The following CDON variants were observed in gnomAD, a reference collection of about 807,000 sequenced individuals.
CDON encodes the protein cell adhesion molecule-related/down-regulated by oncogenes.
In CDON, 73 loss-of-function variants were observed where a neutral mutation model predicts 120.9. That is an observed-to-expected ratio of 0.60 (90% CI 0.50 to 0.73). The LOEUF (loss-of-function observed/expected upper bound fraction) is 0.73. Among genes scored for constraint, CDON ranks in the 30% least tolerant of loss-of-function variants. CDON has a pLI of 0.00. For missense variants in CDON, 1,470 were observed against 1,587.3 expected (o/e 0.93, Z 1.26); for synonymous variants, 566 against 573.5 (o/e 0.99, Z 0.19).
chr11:125,986,143 G>T (rs1946451878), intron 15 of CDON, among the ~76,000 whole-genome samples: 1 of 152,192 alleles, frequency 6.6e-6, no homozygotes, highest in Admixed American at 6.5e-5. Flanking sequence ...GCCATGAAAA[G>T]GATGAGTTCA....
At chr11:126,003,854 T>G in intron 10 of CDON, 48 bp downstream of exon 10, 1 of 1,503,124 alleles carries the variant, frequency 6.7e-7, no homozygotes, top group Middle Eastern at 1.8e-4. Context: ...ACTAATAAAT[T>G]GACATCAGGG....
chr11:126,051,733 T>C (rs1312439700), intron 1 of CDON, among the ~76,000 whole-genome samples: 5 of 151,338 alleles, frequency 3.3e-5, no homozygotes, highest in Non-Finnish European at 2.9e-5. Flanking sequence ...CTGCAACCTC[T>C]GCCTCCCGAG....
In CDON at chr11:125,997,408, G is replaced by T; in HGVS notation, c.2161C>A (p.Pro721Thr). 1 of 1,607,900 alleles carries T rather than the reference G, an allele frequency of 6.2e-7. No homozygotes were observed. Among genetic ancestry groups the T allele is most frequent in the Non-Finnish European group, 8.5e-7 (1 of 1,175,502 alleles). Reference protein sequence around the residue: ...LTDSSRHSGVPEAPDRPTIST... With the variant: ...LTDSSRHSGVTEAPDRPTIST... The stretch of plus-strand genomic sequence containing the variant: ...ATGGTAGGCCGATCTGGTGCCTCTG[G>T]AACTAAACACGGAAACGTTCATTTC... The change falls in exon 12 of 20, where the codon CCA becomes ACA. Residue 721 changes from proline to threonine, a missense_variant and splice_region_variant. Physicochemically the swap from Pro to Thr is conservative, Grantham distance 38. Transcript: ENST00000531738.
At chr11:125,968,541 A>T (rs1945871566) in intron 18 of CDON, among the ~76,000 whole-genome samples, 1 of 152,210 alleles carries the variant, frequency 6.6e-6, no homozygotes, top group East Asian at 1.9e-4. Flanking sequence ...CACACTTCTT[A>T]AAGAAATTCC....
rs577277283 is a variant in CDON at position 126,003,875 on chromosome 11, A to T, written c.2026+27T>A. ...AAATTGACATCAGGGCAGCCAGCTC[A>T]TTCCTCCAAAGGAAGCCCTCACTCA... On this transcript the variant is annotated intron_variant, in intron 10 of 19. Transcript: ENST00000531738. 4.4e-6 allele frequency: 7 copies of T among 1,607,878 alleles called. No homozygotes were observed. In the South Asian group the frequency reaches 7.7e-5, roughly 18 times the overall value.
intron 12 of CDON, among the ~76,000 whole-genome samples, chr11:125,996,482 T>G (rs1946787292): frequency 6.6e-6 from 1 of 151,558 alleles, no homozygotes; most frequent in South Asian, 2.1e-4. Context: ...GCAGATCACC[T>G]GAGGTCAGGA....
At position 125,958,655 on chromosome 11, in the gene CDON, A is replaced by C. The variant is rs563902033; in HGVS notation, c.*2287T>G. On this transcript the variant is annotated 3_prime_UTR_variant, in exon 20 of 20. Transcript: ENST00000531738. ...CATTTTTTATAAATAAAATACAATAAAAAGAATAACACTTAAAACAGCGTT... is the reference window on the plus strand; with the variant it reads ...CATTTTTTATAAATAAAATACAATACAAAGAATAACACTTAAAACAGCGTT... 31 of 152,042 alleles carry C rather than the reference A, an allele frequency of 2.0e-4. No individual in the cohort carries two copies. Among genetic ancestry groups the C allele is most frequent in the African/African-American group, 7.0e-4 (29 of 41,376 alleles). The allele number at this position is 152,042 out of a possible 1,614,324, so 9.4% of individuals were successfully genotyped here.
chr11:126,059,445 G>T (rs1948746215), intron 1 of CDON, among the ~76,000 whole-genome samples: 1 of 152,022 alleles, frequency 6.6e-6, no homozygotes, highest in African/African-American at 2.4e-5. Context: ...CCAACATATG[G>T]AGTCTTCTAA....
intron 7 of CDON, among the ~76,000 whole-genome samples, chr11:126,013,184 A>G (rs753083699): frequency 6.6e-6 from 1 of 152,220 alleles, no homozygotes; most frequent in Non-Finnish European, 1.5e-5. Context: ...GATTCCTGGG[A>G]TAACTGTTCA....
Position 126,018,373 on chromosome 11 carries a change from A to G in CDON, c.597T>C (p.His199=). ...YKCAAYNPVT[H]QLKVEPIGRK... ...GGCCAATAGGTTCAACTTTTAATTGATGTGTGACAGGATTATAAGCTGCAC... is the reference window on the plus strand; with the variant it reads ...GGCCAATAGGTTCAACTTTTAATTGGTGTGTGACAGGATTATAAGCTGCAC... The change falls in exon 5 of 20, where the codon CAT becomes CAC. Residue 199 remains histidine (H), a synonymous_variant. Transcript: ENST00000531738. The G allele has an allele frequency of 6.2e-7, 1 of 1,614,040 alleles. No homozygotes were observed. The highest frequency in any genetic ancestry group is 8.5e-7 in the Non-Finnish European group (1 of 1,179,938).
chr11:125,981,970 C>CTTT (rs61446837), intron 16 of CDON, among the ~76,000 whole-genome samples: 6,625 of 53,932 alleles, frequency 0.12, 1,842 homozygotes, highest in Non-Finnish European at 0.16. Flanking sequence ...ATTCTATTTT[C>CTTT]TTTTTTTTTT....
intron 1 of CDON, among the ~76,000 whole-genome samples, chr11:126,025,960 C>T (rs80330035): frequency 0.1 from 15,855 of 152,228 alleles, 1,067 homozygotes; most frequent in Middle Eastern, 0.24. Flanking sequence ...CTGGGACATG[C>T]GTAACCACAG....
intron 18 of CDON, among the ~76,000 whole-genome samples, chr11:125,966,096 C>A (rs1031114024): frequency 2.7e-5 from 4 of 150,326 alleles, no homozygotes; most frequent in Non-Finnish European, 4.4e-5. Context: ...AAGATCATGC[C>A]ATTGCACGCC....
At position 126,028,833 on chromosome 11, in the gene CDON, G is replaced by A. The variant is rs908764737; in HGVS notation, c.-61-5296C>T. ...TATGTGTATATGTATGTGTGTGTGT[G>A]TATATATATATATATGTTACTTTTT... On this transcript the variant is annotated intron_variant, in intron 1 of 19. Coordinates refer to ENST00000531738, the MANE Select transcript of CDON (RefSeq NM_001378964.1). Among the ~76,000 whole-genome samples the A allele has an allele frequency of 7.4e-5, 11 of 149,582 alleles. 1 individual carries two copies. Among genetic ancestry groups the A allele is most frequent in the East Asian group, 3.9e-4 (2 of 5,138 alleles).
At chr11:125,970,874 G>A (rs969486894) in intron 18 of CDON, among the ~76,000 whole-genome samples, 1 of 152,114 alleles carries the variant, frequency 6.6e-6, no homozygotes, top group East Asian at 1.9e-4. Flanking sequence ...GACTTGGGGA[G>A]ATATATAACT....
intron 8 of CDON, among the ~76,000 whole-genome samples, chr11:126,009,463 G>A (rs1947229863): frequency 6.6e-6 from 1 of 152,154 alleles, no homozygotes; most frequent in South Asian, 2.1e-4. Context: ...GGAAATGCTG[G>A]AGCCCCAGAC....
chr11:125,966,884 G>GA (rs1166204423), intron 18 of CDON, among the ~76,000 whole-genome samples: 1 of 150,528 alleles, frequency 6.6e-6, no homozygotes, highest in Non-Finnish European at 1.5e-5. Flanking sequence ...AAAAAAAAAA[G>GA]AAAAAACCTT....
chr11:126,014,325 C>T (rs1276692581), intron 7 of CDON, among the ~76,000 whole-genome samples: 2 of 152,054 alleles, frequency 1.3e-5, no homozygotes, highest in South Asian at 2.1e-4. Context: ...TGAAAAGAGG[C>T]CCAACTTTAC....
Position 126,005,988 on chromosome 11 carries a change from CT to C in CDON, c.1621del (p.Ser541ValfsTer11). 6.2e-7 allele frequency: 1 copy of C among 1,614,116 alleles called. No individual in the cohort carries two copies. Among genetic ancestry groups the C allele is most frequent in the Non-Finnish European group, 8.5e-7 (1 of 1,180,004 alleles). On this transcript the variant is annotated frameshift_variant, in exon 9 of 20. Coordinates refer to ENST00000531738, the MANE Select transcript of CDON (RefSeq NM_001378964.1). LOFTEE classifies it high-confidence loss of function. ...CCCAGTTTCTGAACCATCTCTCTTA[CT>C]TCTGTCATCATTCTGAGCAGCATCA... is the stretch of plus-strand genomic sequence containing the variant. The part of the protein sequence containing the change: ...LPDAAQNDDR[S>X]KRDGSETGLL...
Sources: gnomAD v4.1 joint callset for allele counts (sites outside exome capture counted in the v4.1 genomes callset) on GRCh38, gnomAD v4.1.1 for gene constraint, MANE v1.5 for transcripts, NCBI Gene and HGNC (gene_info 2026-07-23, HGNC 2026-07-21) for gene names.